Variants in PABPC4L observed in about 807,000 individuals in gnomAD.
The protein encoded by PABPC4L is polyadenylate-binding protein 4-like.
For missense variants in PABPC4L, 452 were observed against 451.4 expected (o/e 1.00, Z -0.01); for synonymous variants, 169 against 164.1 (o/e 1.03, Z -0.23).
At chr4:134,183,227 T>C in the PABPC4L span, among the ~76,000 whole-genome samples, 1 of 151,072 alleles carries the variant, frequency 6.6e-6, no homozygotes, top group Non-Finnish European at 1.5e-5. Flanking sequence ...AATGGTAGAG[T>C]GGATAAAAGA....
At chr4:134,148,817 A>C in the PABPC4L span, among the ~76,000 whole-genome samples, 2 of 151,606 alleles carry the variant, frequency 1.3e-5, no homozygotes, top group Non-Finnish European at 2.9e-5. Context: ...AGCTCAAAAT[A>C]AGTTGAATGA....
the PABPC4L span, among the ~76,000 whole-genome samples, chr4:134,118,812 TG>T: frequency 6.6e-6 from 1 of 151,836 alleles, no homozygotes; most frequent in Non-Finnish European, 1.5e-5. Context: ...ATTTACCATC[TG>T]CTTTTAAAGA....
chr4:134,120,168 A>G, the PABPC4L span, among the ~76,000 whole-genome samples: 2 of 151,456 alleles, frequency 1.3e-5, no homozygotes, highest in East Asian at 1.9e-4. Context: ...TTTAGAAACT[A>G]GTATAGTAAT....
chr4:134,100,614 C>T, the PABPC4L span, among the ~76,000 whole-genome samples: 2 of 151,550 alleles, frequency 1.3e-5, no homozygotes, highest in Non-Finnish European at 3.0e-5. Context: ...ACATTTTTTA[C>T]TACCTCTCTA....
the PABPC4L span, among the ~76,000 whole-genome samples, chr4:134,095,741 C>T: frequency 1.3e-5 from 2 of 151,888 alleles, no homozygotes; most frequent in Non-Finnish European, 2.9e-5. Flanking sequence ...CTTCAGCTAC[C>T]TTGGCTTCCT....
chr4:133,993,774 C>T, the PABPC4L span, among the ~76,000 whole-genome samples: 3 of 152,100 alleles, frequency 2.0e-5, no homozygotes, highest in Admixed American at 6.5e-5. Context: ...ACTTGCAAGT[C>T]GGCTTGATTA....
chr4:133,992,171 C>T, the PABPC4L span, among the ~76,000 whole-genome samples: 270 of 152,250 alleles, frequency 1.8e-3, 1 homozygote, highest in African/African-American at 6.2e-3. Flanking sequence ...ATCAAAGCCA[C>T]GATGGATGCA....
At chr4:134,194,813 G>A (rs541294763), downstream of PABPC4L, among the ~76,000 whole-genome samples, 26 of 151,768 alleles carry the variant, frequency 1.7e-4, no homozygotes, top group African/African-American at 6.0e-4. Context: ...AAGGGAAATA[G>A]TAGCACAAGA....
At chr4:134,095,517 G>A in the PABPC4L span, among the ~76,000 whole-genome samples, 2 of 151,710 alleles carry the variant, frequency 1.3e-5, no homozygotes, top group Non-Finnish European at 1.5e-5. Context: ...ATAGACAAAC[G>A]CCAATCCATA....
At chr4:134,017,076 T>C in the PABPC4L span, among the ~76,000 whole-genome samples, 1 of 152,172 alleles carries the variant, frequency 6.6e-6, no homozygotes, top group Admixed American at 6.5e-5. Flanking sequence ...TATACAGTCC[T>C]ATAACAGATC....
At chr4:134,024,642 T>C in the PABPC4L span, among the ~76,000 whole-genome samples, 1 of 152,032 alleles carries the variant, frequency 6.6e-6, no homozygotes, top group Non-Finnish European at 1.5e-5. Flanking sequence ...CTAGTGATAT[T>C]GGGGGTTATA....
chr4:134,064,460 G>C, the PABPC4L span, among the ~76,000 whole-genome samples: 1 of 152,042 alleles, frequency 6.6e-6, no homozygotes, highest in Non-Finnish European at 1.5e-5. Context: ...CCGGTGTAAT[G>C]GGTTAGATGT....
chr4:134,032,191 A>T, the PABPC4L span, among the ~76,000 whole-genome samples: 1 of 151,884 alleles, frequency 6.6e-6, no homozygotes, highest in Non-Finnish European at 1.5e-5. Context: ...GCAAAGGCAC[A>T]ATTCCTACAG....
the PABPC4L span, among the ~76,000 whole-genome samples, chr4:133,980,304 T>C: frequency 6.6e-6 from 1 of 152,206 alleles, no homozygotes; most frequent in Admixed American, 6.5e-5. Context: ...TTTTTATTTC[T>C]CTTATTTTTT....
the PABPC4L span, among the ~76,000 whole-genome samples, chr4:134,050,765 A>G: frequency 6.6e-6 from 1 of 151,000 alleles, no homozygotes; most frequent in Admixed American, 6.6e-5. Flanking sequence ...TCAGTGAAAC[A>G]TAAGTACATA....
chr4:134,057,124 T>C, the PABPC4L span, among the ~76,000 whole-genome samples: 1 of 152,044 alleles, frequency 6.6e-6, no homozygotes, highest in Non-Finnish European at 1.5e-5. Context: ...ATTTTGTGTG[T>C]GTACATTGAA....
chr4:134,017,669 G>A, the PABPC4L span, among the ~76,000 whole-genome samples: 6 of 152,090 alleles, frequency 3.9e-5, no homozygotes, highest in African/African-American at 7.2e-5. Flanking sequence ...TTTAATACCT[G>A]TTTTTCTCCT....
chr4:134,004,208 C>T, the PABPC4L span, among the ~76,000 whole-genome samples: 2 of 151,564 alleles, frequency 1.3e-5, no homozygotes, highest in African/African-American at 4.8e-5. Flanking sequence ...AGAGGCAACC[C>T]GAGGAATGGC....
the PABPC4L span, among the ~76,000 whole-genome samples, chr4:134,106,989 C>A: frequency 6.6e-6 from 1 of 151,336 alleles, no homozygotes; most frequent in African/African-American, 2.4e-5. Context: ...AGTTAGTATA[C>A]TAAACTAAGT....
Sources: allele counts gnomAD v4.1 joint callset (sites outside exome capture counted in the v4.1 genomes callset), GRCh38; gene constraint gnomAD v4.1.1; transcripts MANE v1.5; gene names NCBI Gene and HGNC (gene_info 2026-07-23, HGNC 2026-07-21).